LAMC1: variants seen among roughly 807,000 people sequenced by gnomAD.
The protein encoded by LAMC1 is laminin subunit gamma 1.
In LAMC1, 38 loss-of-function variants were observed where a neutral mutation model predicts 173.6. The observed-to-expected ratio is 0.22, with a 90% CI of 0.17 to 0.29. The LOEUF (loss-of-function observed/expected upper bound fraction) is 0.29. Among genes scored for constraint, LAMC1 ranks in the 10% least tolerant of loss-of-function variants. LAMC1 has a pLI of 1.00. For missense variants in LAMC1, 1,824 were observed against 2,051.8 expected (o/e 0.89, Z 2.14); for synonymous variants, 746 against 749.1 (o/e 1.00, Z 0.07).
At chr1:183,050,916 T>C (rs1365973986) in intron 1 of LAMC1, among the ~76,000 whole-genome samples, 1 of 148,494 alleles carries the variant, frequency 6.7e-6, no homozygotes, top group Non-Finnish European at 1.5e-5. Context: ...AAAAAAGAAT[T>C]ACTGAATTAA....
rs137993064 is a variant in LAMC1 at position 183,048,223 on chromosome 1, C to T, written c.418+24089C>T. ...ACTGTGTCTACCTTGTTTCTTCTTA[C>T]GGAACAATGAAATCACTAAGAGTAA... On this transcript the variant is annotated intron_variant, in intron 1 of 27. Coordinates refer to ENST00000258341, the MANE Select transcript of LAMC1 (RefSeq NM_002293.4). Among the ~76,000 whole-genome samples, 177 of 152,268 alleles carry T rather than the reference C, an allele frequency of 1.2e-3. 1 individual carries two copies. The highest frequency in any genetic ancestry group is 3.9e-3 in the African/African-American group (163 of 41,558).
At chr1:183,066,457 A>G (rs930121939) in intron 1 of LAMC1, among the ~76,000 whole-genome samples, 2 of 152,374 alleles carry the variant, frequency 1.3e-5, no homozygotes, top group East Asian at 3.9e-4. Flanking sequence ...ATTACTGGGT[A>G]TATACCCAAA....
intron 1 of LAMC1, among the ~76,000 whole-genome samples, chr1:183,062,610 G>A (rs368391575): frequency 2.6e-5 from 4 of 151,954 alleles, no homozygotes; most frequent in Non-Finnish European, 2.9e-5. Flanking sequence ...GCACCACTAC[G>A]CTCCAGCCTG....
intron 16 of LAMC1, among the ~76,000 whole-genome samples, chr1:183,126,754 T>G (rs1216635665): frequency 1.3e-5 from 2 of 152,234 alleles, no homozygotes; most frequent in Non-Finnish European, 1.5e-5. Context: ...CAGATTGGCT[T>G]TTGCTTTCTG....
Position 183,066,608 on chromosome 1 carries a change from T to C in LAMC1, c.419-36720T>C, listed in dbSNP as rs377168453. 3.1e-3 allele frequency among the ~76,000 whole-genome samples: 470 copies of C among 152,272 alleles called. 3 individuals are homozygous for C. Among genetic ancestry groups the C allele is most frequent in the African/African-American group, 0.011 (449 of 41,560 alleles). On this transcript the variant is annotated intron_variant, in intron 1 of 27. Coordinates refer to ENST00000258341, the MANE Select transcript of LAMC1 (RefSeq NM_002293.4). ...AAGGAAATGTGGCACATAAACACCA[T>C]GGAATACTATGCAGCCATAAAAAAG...
intron 6 of LAMC1, 131 bp downstream of exon 6, chr1:183,115,768 T>C: frequency 1.4e-6 from 1 of 691,290 alleles, no homozygotes; most frequent in South Asian, 1.7e-5. Context: ...GACTGAGGAC[T>C]AGCTGTAATG....
At chr1:183,075,321 G>T (rs769031590) in intron 1 of LAMC1, among the ~76,000 whole-genome samples, 1 of 152,042 alleles carries the variant, frequency 6.6e-6, no homozygotes, top group African/African-American at 2.4e-5. Context: ...TCGCCATGTT[G>T]CCCAGGCTGG....
intron 5 of LAMC1, 116 bp downstream of exon 5, chr1:183,114,835 G>A (rs1656275291): frequency 1.0e-6 from 1 of 983,504 alleles, no homozygotes; most frequent in East Asian, 2.5e-5. Context: ...ATACATTATT[G>A]TAACACAGAA....
In LAMC1 at chr1:183,040,700, G is replaced by A. The variant is rs148525502; in HGVS notation, c.418+16566G>A. On this transcript the variant is annotated intron_variant, in intron 1 of 27. Coordinates refer to ENST00000258341, the MANE Select transcript of LAMC1 (RefSeq NM_002293.4). ...ACCCTGAGGCTGTAACCCGGGGTGA[G>A]CACATAGGTGGGACTTGACAGAGGC... Among the ~76,000 whole-genome samples the A allele has an allele frequency of 4.4e-3, 677 of 152,282 alleles. 8 individuals carry two copies. The highest frequency in any genetic ancestry group is 0.015 in the African/African-American group (642 of 41,554).
chr1:183,060,747 A>C (rs546335044), intron 1 of LAMC1, among the ~76,000 whole-genome samples: 1 of 152,376 alleles, frequency 6.6e-6, no homozygotes, highest in Non-Finnish European at 1.5e-5. Flanking sequence ...ATATGACCGA[A>C]TGAATGGGTG....
At chr1:183,088,941 T>TA (rs1197022854) in intron 1 of LAMC1, among the ~76,000 whole-genome samples, 1 of 152,234 alleles carries the variant, frequency 6.6e-6, no homozygotes, top group Non-Finnish European at 1.5e-5. Flanking sequence ...TGTCCAGACT[T>TA]ATGGATGCCT....
At chr1:183,053,016 C>G (rs542596717) in intron 1 of LAMC1, among the ~76,000 whole-genome samples, 1 of 152,296 alleles carries the variant, frequency 6.6e-6, no homozygotes, top group East Asian at 1.9e-4. Context: ...AACGATTACT[C>G]TGTTCTTCCT....
At chr1:183,056,329 C>T (rs763803251) in intron 1 of LAMC1, among the ~76,000 whole-genome samples, 9 of 152,206 alleles carry the variant, frequency 5.9e-5, no homozygotes, top group African/African-American at 1.9e-4. Context: ...ACCCCATGGT[C>T]GATCCACCCT....
chr1:183,118,132 C>G lies in LAMC1; in HGVS notation c.1976C>G (p.Thr659Arg). The change falls in exon 11 of 28, where the codon ACA becomes AGA. Residue 659 changes from threonine (T) to arginine (R), a missense_variant. Transcript: ENST00000258341. ...NNLTSIKIRG[T>R]YSERSAGYLD... ...TTGACCTCTATCAAGATACGTGGGACATACAGTGAGAGAAGTAAGTTATGA... is the reference window on the plus strand; with the variant it reads ...TTGACCTCTATCAAGATACGTGGGAGATACAGTGAGAGAAGTAAGTTATGA... 6.3e-7 allele frequency: 1 copy of G among 1,575,992 alleles called. No homozygotes were observed. The highest frequency in any genetic ancestry group is 8.7e-7 in the Non-Finnish European group (1 of 1,146,044).
At chr1:183,133,322 A>G (rs146332680) in intron 21 of LAMC1, 84 bp from the exon 22 acceptor site, 160 of 1,217,660 alleles carry the variant, frequency 1.3e-4, no homozygotes, top group South Asian at 3.3e-5. Context: ...TGGGCGTATT[A>G]TCACATGATC....
intron 26 of LAMC1, chr1:183,138,070 A>G: frequency 3.3e-6 from 1 of 306,884 alleles, no homozygotes; most frequent in Non-Finnish European, 4.8e-6. Flanking sequence ...ATTGCTTTAC[A>G]CGTTTGAGGT....
At chr1:183,027,048 AG>A (rs1280262982) in intron 1 of LAMC1, among the ~76,000 whole-genome samples, 1 of 152,146 alleles carries the variant, frequency 6.6e-6, no homozygotes, top group African/African-American at 2.4e-5. Context: ...ACTTTTTGGG[AG>A]GCTGAGGCGT....
intron 4 of LAMC1, among the ~76,000 whole-genome samples, chr1:183,113,739 A>G (rs1043778333): frequency 2.0e-5 from 3 of 152,216 alleles, no homozygotes; most frequent in African/African-American, 4.8e-5. Context: ...GTCTAGATAT[A>G]TAAATAATCT....
chr1:183,094,277 T>A (rs1655638720), intron 1 of LAMC1, among the ~76,000 whole-genome samples: 2 of 152,190 alleles, frequency 1.3e-5, no homozygotes, highest in South Asian at 4.1e-4. Context: ...TTGCACTGTT[T>A]TACTTCTTCA....
Sources: allele counts gnomAD v4.1 joint callset (sites outside exome capture counted in the v4.1 genomes callset), GRCh38; gene constraint gnomAD v4.1.1; transcripts MANE v1.5; gene names NCBI Gene and HGNC (gene_info 2026-07-23, HGNC 2026-07-21).